USP43: variants seen among roughly 807,000 people sequenced by gnomAD.
The protein encoded by USP43 is ubiquitin carboxyl-terminal hydrolase 43.
A neutral mutation model predicts 90.7 loss-of-function variants in USP43; 33 were observed. The observed-to-expected ratio is 0.36, with a 90% CI of 0.28 to 0.49. The LOEUF is 0.49. USP43 is among the 20% of genes least tolerant of loss of function. The pLI, the probability that USP43 is intolerant of heterozygous loss-of-function variation, is 0.98. For synonymous variants in USP43, 598 were observed against 615.8 expected (o/e 0.97, Z 0.43); for missense variants, 1,274 against 1,476.4 (o/e 0.86, Z 2.25).
chr17:9,715,137 T>A (rs965466246), intron 14 of USP43, among the ~76,000 whole-genome samples: 21 of 152,170 alleles, frequency 1.4e-4, no homozygotes, highest in Non-Finnish European at 2.4e-4. Context: ...TTGATGACAG[T>A]GCTGGGAACA....
At chr17:9,651,497 T>C (rs1442555446) in intron 1 of USP43, among the ~76,000 whole-genome samples, 1 of 152,210 alleles carries the variant, frequency 6.6e-6, no homozygotes, top group Non-Finnish European at 1.5e-5. Context: ...TCTCAATGTT[T>C]TTATGTTTCT....
intron 2 of USP43, among the ~76,000 whole-genome samples, chr17:9,660,888 T>C (rs1912595435): frequency 6.6e-6 from 1 of 152,216 alleles, no homozygotes; most frequent in Non-Finnish European, 1.5e-5. Flanking sequence ...TCTCAGAAAA[T>C]TGGGCTGCCT....
Position 9,701,483 on chromosome 17 carries a change from A to C in USP43, c.1794A>C (p.Arg598Ser). 5 of 1,578,626 alleles carry C rather than the reference A, an allele frequency of 3.2e-6. No homozygotes were observed. The highest frequency in any genetic ancestry group is 4.3e-6 in the Non-Finnish European group (5 of 1,162,242). Residue 598 changes from arginine (R) to serine (S), a missense_variant, in exon 12 of 15, where the codon AGA becomes AGC. Around this residue, in one of 6 missense-constraint regions of USP43, gnomAD observed 285 missense variants for 349.6 expected, o/e 0.82. Coordinates refer to ENST00000285199, the MANE Select transcript of USP43 (RefSeq NM_153210.5). The surrounding 1 kb of genome is among the most constrained non-coding windows in gnomAD (Gnocchi z 7.2). The stretch of plus-strand genomic sequence containing the variant: ...AAAGGTTCTGCCAGGTGGGCGAGAG[A>C]AGAAACAAGCTCTCCACGCTGGTGA... ...HLKRFCQVGERRNKLSTLVKF... is the reference protein window; with the variant it reads ...HLKRFCQVGESRNKLSTLVKF...
rs1916060381 is a variant in USP43 at position 9,709,429 on chromosome 17, C to T, written c.2012-527C>T. On this transcript the variant is annotated intron_variant, in intron 12 of 14. Coordinates refer to ENST00000285199, the MANE Select transcript of USP43 (RefSeq NM_153210.5). This position sits in a 1 kb window ranked among gnomAD's most constrained non-coding sequence, Gnocchi z 5.0. ...GAATATTCAACTTAAAATAACAGCA[C>T]TCTTGGCCGGGCATGGTGGCTCAGG... Among the ~76,000 whole-genome samples the T allele has an allele frequency of 6.6e-6, 1 of 152,024 alleles. No homozygotes were observed. The highest frequency in any genetic ancestry group is 2.1e-4 in the South Asian group (1 of 4,822).
At chr17:9,654,974 G>T (rs1360655624) in intron 1 of USP43, among the ~76,000 whole-genome samples, 1 of 150,722 alleles carries the variant, frequency 6.6e-6, no homozygotes, top group Non-Finnish European at 1.5e-5. Flanking sequence ...CTGACTTAAA[G>T]TGATCCATCC....
At chr17:9,703,626 G>A (rs965193491) in intron 12 of USP43, among the ~76,000 whole-genome samples, 2 of 152,244 alleles carry the variant, frequency 1.3e-5, no homozygotes, top group Non-Finnish European at 2.9e-5. Context: ...AAGGGAAAGA[G>A]GGGACTGGCG....
Position 9,645,755 on chromosome 17 carries a change from C to CG in USP43, c.127dup (p.Asp43GlyfsTer12). Reference sequence around the variant, plus strand: ...TGGCGCTGGGCAGCCGCTCACGCCCCGGGGACTCACCGCCCCGGCCCCAGC... The same window carrying CG: ...TGGCGCTGGGCAGCCGCTCACGCCCCGGGGGACTCACCGCCCCGGCCCCAGC... On this transcript the variant is annotated frameshift_variant, in exon 1 of 15. Coordinates refer to ENST00000285199, the MANE Select transcript of USP43 (RefSeq NM_153210.5). LOFTEE classifies it high-confidence loss of function. This position sits in a 1 kb window ranked among gnomAD's most constrained non-coding sequence, Gnocchi z 6.8. 1 of 1,397,166 alleles carries CG rather than the reference C, an allele frequency of 7.2e-7. No individual in the cohort carries two copies. Among genetic ancestry groups the CG allele is most frequent in the Middle Eastern group, 2.6e-4 (1 of 3,896 alleles). The allele number at this position is 1,397,166 out of a possible 1,614,324, so 86.5% of individuals were successfully genotyped here.
At chr17:9,697,358 T>C (rs1189713586) in intron 9 of USP43, among the ~76,000 whole-genome samples, 1 of 152,106 alleles carries the variant, frequency 6.6e-6, no homozygotes, top group Admixed American at 6.5e-5. Flanking sequence ...TTAAGATTCA[T>C]GGGTACGAGT....
Position 9,701,301 on chromosome 17 carries a change from G to C in USP43, c.1663-51G>C. 6.3e-7 allele frequency: 1 copy of C among 1,590,080 alleles called. No individual in the cohort carries two copies. The highest frequency in any genetic ancestry group is 8.6e-7 in the Non-Finnish European group (1 of 1,167,138). On this transcript the variant is annotated intron_variant, in intron 11 of 14. Coordinates refer to ENST00000285199, the MANE Select transcript of USP43 (RefSeq NM_153210.5). This position sits in a 1 kb window ranked among gnomAD's most constrained non-coding sequence, Gnocchi z 7.2. Reference sequence around the variant, plus strand: ...GGAAGGGGGCTGGCTGCCTTTGGTGGGTTGGCCACGTGCTGCGGGGGCCTC... The same window carrying C: ...GGAAGGGGGCTGGCTGCCTTTGGTGCGTTGGCCACGTGCTGCGGGGGCCTC...
rs534861150 is a variant in USP43 at position 9,701,149 on chromosome 17, G to A, written c.1566G>A (p.Ala522=). ...RLFGSLQEER[A]QDADSVWQQQ... ...TCGGGAGCCTCCAGGAGGAGCGAGCGCAGGATGCCGACAGTGTGTGGCAGC... is the reference window on the plus strand; with the variant it reads ...TCGGGAGCCTCCAGGAGGAGCGAGCACAGGATGCCGACAGTGTGTGGCAGC... Residue 522 remains alanine (A), a synonymous_variant, in exon 11 of 15, where the codon GCG becomes GCA. Transcript: ENST00000285199. This position sits in a 1 kb window ranked among gnomAD's most constrained non-coding sequence, Gnocchi z 7.2. 1.6e-5 allele frequency: 24 copies of A among 1,500,764 alleles called. No individual in the cohort carries two copies. The highest frequency in any genetic ancestry group is 4.2e-5 in the African/African-American group (3 of 72,272). The allele number at this position is 1,500,764 out of a possible 1,614,324, so 93.0% of individuals were successfully genotyped here.
intron 2 of USP43, among the ~76,000 whole-genome samples, chr17:9,665,499 G>A (rs1036798132): frequency 1.3e-5 from 2 of 152,084 alleles, no homozygotes; most frequent in African/African-American, 4.8e-5. Flanking sequence ...CAGATCTCAT[G>A]AGAACTCACT....
intron 1 of USP43, among the ~76,000 whole-genome samples, chr17:9,651,825 G>C (rs572285618): frequency 6.6e-6 from 1 of 152,160 alleles, no homozygotes; most frequent in African/African-American, 2.4e-5. Flanking sequence ...AATGGAAATG[G>C]AGTAAAAAAT....
At position 9,705,244 on chromosome 17, in the gene USP43, C is replaced by T. The variant is rs549605021; in HGVS notation, c.2011+3544C>T. Reference sequence around the variant, plus strand: ...TGTGTTGATTTTATATATTTCCTTCCCACCCCCTAATTTAAGTAAAAGTAC... The same window carrying T: ...TGTGTTGATTTTATATATTTCCTTCTCACCCCCTAATTTAAGTAAAAGTAC... On this transcript the variant is annotated intron_variant, in intron 12 of 14. Coordinates refer to ENST00000285199, the MANE Select transcript of USP43 (RefSeq NM_153210.5). Among the ~76,000 whole-genome samples, 3 of 149,856 alleles carry T rather than the reference C, an allele frequency of 2.0e-5. No homozygotes were observed. In the East Asian group the frequency reaches 5.9e-4, roughly 29 times the overall value.
intron 2 of USP43, among the ~76,000 whole-genome samples, chr17:9,665,681 T>C (rs530491254): frequency 6.6e-6 from 1 of 152,274 alleles, no homozygotes; most frequent in Non-Finnish European, 1.5e-5. Context: ...GGAGATGTGA[T>C]TAAGAATCTT....
intron 14 of USP43, among the ~76,000 whole-genome samples, chr17:9,723,751 TTTTTGTATTTTTAGTAGAGACGGGG>T: frequency 6.6e-6 from 1 of 151,380 alleles, no homozygotes; most frequent in East Asian, 1.9e-4. Flanking sequence ...ACCTGGCTAA[TTTTTGTATTTTTAGTAGAGACGGGG>T]TTTTGTATTT....
chr17:9,705,481 GT>G (rs1915816822), intron 12 of USP43, among the ~76,000 whole-genome samples: 1 of 152,080 alleles, frequency 6.6e-6, no homozygotes, highest in African/African-American at 2.4e-5. Flanking sequence ...TCGGCCGGGC[GT>G]GGTGGCTCAC....
At chr17:9,645,432 C>A, upstream of USP43, 1 of 350,662 alleles carries the variant, frequency 2.9e-6, no homozygotes, top group Non-Finnish European at 4.6e-6. The surrounding 1 kb of genome is among the most constrained non-coding windows in gnomAD (Gnocchi z 6.8). Context: ...CCCGGCGCTG[C>A]CCTGGAGGGG....
intron 3 of USP43, among the ~76,000 whole-genome samples, chr17:9,668,741 T>C (rs775516333): frequency 2.6e-5 from 4 of 152,176 alleles, no homozygotes; most frequent in Non-Finnish European, 5.9e-5. Context: ...AGGGATGTGG[T>C]AACTCTCCAG....
At chr17:9,695,033 A>G (rs114841946) in intron 9 of USP43, among the ~76,000 whole-genome samples, 72 of 152,328 alleles carry the variant, frequency 4.7e-4, no homozygotes, top group African/African-American at 1.6e-3. Flanking sequence ...GTAGAGTTCT[A>G]CAGTAAGCTG....
Sources: allele counts gnomAD v4.1 joint callset (sites outside exome capture counted in the v4.1 genomes callset), GRCh38; gene constraint gnomAD v4.1.1; regional missense constraint gnomAD v4.1.1; non-coding constraint Gnocchi (gnomAD v3.1); transcripts MANE v1.5; gene names NCBI Gene and HGNC (gene_info 2026-07-23, HGNC 2026-07-21).